The following EDA variants were observed in gnomAD, a reference collection of about 807,000 sequenced individuals.
EDA encodes the protein ectodysplasin A.
In EDA, 2 loss-of-function variants were observed where a neutral mutation model predicts 23.6. That is an observed-to-expected ratio of 0.08 (90% confidence interval 0.03 to 0.27). The LOEUF (loss-of-function observed/expected upper bound fraction) is 0.27. Ranked by LOEUF, EDA falls within the 10% of genes least tolerant of loss-of-function variation. The pLI is 1.00. For missense variants in EDA, 229 were observed against 324.2 expected (o/e 0.71, Z 2.26); for synonymous variants, 131 against 132.0 (o/e 0.99, Z 0.05).
chrX:69,685,876 G>C (rs887659426), intron 1 of EDA, among the ~76,000 whole-genome samples: 4 of 112,664 alleles, frequency 3.6e-5, no homozygotes, highest in African/African-American at 1.3e-4. Context: ...ATAGCATTTA[G>C]AATTTACTAA....
At chrX:69,769,625 A>G (rs1432293529) in intron 1 of EDA, among the ~76,000 whole-genome samples, 2 of 111,101 alleles carry the variant, frequency 1.8e-5, no homozygotes, top group Non-Finnish European at 3.8e-5. Flanking sequence ...TTTTTGATTA[A>G]GTATCATTAT....
intron 1 of EDA, among the ~76,000 whole-genome samples, chrX:69,743,711 C>T (rs1009431578): frequency 8.9e-6 from 1 of 111,755 alleles, no homozygotes; most frequent in African/African-American, 3.2e-5. Flanking sequence ...TGTTAACTGC[C>T]CACATGAACT....
chrX:69,856,842 T>C, intron 1 of EDA, among the ~76,000 whole-genome samples: 1 of 111,853 alleles, frequency 8.9e-6, no homozygotes, highest in Non-Finnish European at 1.9e-5. Context: ...TGCTAACTGT[T>C]CCTCTTGCCA....
chrX:70,004,159 T>C (rs1194290090), intron 2 of EDA, among the ~76,000 whole-genome samples: 1 of 112,298 alleles, frequency 8.9e-6, no homozygotes, highest in Non-Finnish European at 1.9e-5. Context: ...CTTTTAGTAC[T>C]GTCTTAACCA....
chrX:69,960,875 G>A (rs1264530595), intron 2 of EDA, among the ~76,000 whole-genome samples: 5 of 108,197 alleles, frequency 4.6e-5, no homozygotes, highest in East Asian at 2.9e-4. Context: ...AAAAAATAGC[G>A]GGGCACTGTG....
chrX:69,979,082 C>T (rs1416018130), intron 2 of EDA, among the ~76,000 whole-genome samples: 3 of 111,631 alleles, frequency 2.7e-5, no homozygotes, highest in Non-Finnish European at 1.9e-5. Context: ...CCTGCAGCCC[C>T]TGGTCACCTC....
At chrX:70,014,484 A>G (rs1268244100) in intron 2 of EDA, among the ~76,000 whole-genome samples, 2 of 112,577 alleles carry the variant, frequency 1.8e-5, no homozygotes, top group African/African-American at 6.5e-5. Context: ...CACGCAGATG[A>G]GAAAGAACCA....
At chrX:69,892,311 C>A (rs762675355) in intron 1 of EDA, among the ~76,000 whole-genome samples, 1 of 111,832 alleles carries the variant, frequency 8.9e-6, no homozygotes, top group African/African-American at 3.2e-5. Context: ...TTTTCATACC[C>A]AATAAAGCTT....
At chrX:69,878,338 C>T (rs191584809) in intron 1 of EDA, among the ~76,000 whole-genome samples, 7 of 112,362 alleles carry the variant, frequency 6.2e-5, no homozygotes, top group Non-Finnish European at 1.1e-4. Context: ...CTTGTGTGCG[C>T]GGCAACAGGG....
intron 2 of EDA, among the ~76,000 whole-genome samples, chrX:69,981,263 G>A (rs949169738): frequency 2.7e-5 from 3 of 111,368 alleles, no homozygotes; most frequent in African/African-American, 9.8e-5. Context: ...ATGACTGAAA[G>A]TTTGAGTACT....
chrX:69,655,666 T>G (rs1174524164), intron 1 of EDA, among the ~76,000 whole-genome samples: 2 of 102,857 alleles, frequency 1.9e-5, no homozygotes, highest in African/African-American at 7.3e-5. Context: ...TTGGACCACA[T>G]ATTTTCCCCA....
intron 1 of EDA, among the ~76,000 whole-genome samples, chrX:69,757,489 G>C (rs2188455): frequency 8.9e-6 from 1 of 111,980 alleles, no homozygotes; most frequent in Admixed American, 9.5e-5. Flanking sequence ...ATTTCTTTTA[G>C]GAAGTAAAAG....
intron 1 of EDA, among the ~76,000 whole-genome samples, chrX:69,881,181 C>T (rs75063666): frequency 0.11 from 11,933 of 110,363 alleles, 676 homozygotes; most frequent in Non-Finnish European, 0.16. Flanking sequence ...AGCTTTCCGA[C>T]ATTTTTGTTT....
chrX:70,025,281 G>T (rs190538427), intron 3 of EDA, among the ~76,000 whole-genome samples: 2 of 111,573 alleles, frequency 1.8e-5, no homozygotes, highest in Non-Finnish European at 3.8e-5. Context: ...ATTCTTGAAG[G>T]TGAAGTTTGT....
At chrX:69,914,061 A>G (rs2018306941) in intron 1 of EDA, among the ~76,000 whole-genome samples, 2 of 112,455 alleles carry the variant, frequency 1.8e-5, no homozygotes, top group Non-Finnish European at 3.8e-5. Context: ...TATCATAATT[A>G]TGAAAACTTT....
chrX:69,817,405 A>G (rs5980860), intron 1 of EDA, among the ~76,000 whole-genome samples: 44 of 111,890 alleles, frequency 3.9e-4, no homozygotes, highest in Admixed American at 1.1e-3. Flanking sequence ...GAATTCCCCA[A>G]TTAAAAGACA....
intron 1 of EDA, among the ~76,000 whole-genome samples, chrX:69,797,066 G>C (rs1009488850): frequency 1.9e-4 from 21 of 111,216 alleles, no homozygotes; most frequent in Middle Eastern, 9.3e-3. Flanking sequence ...AGAATAAGCA[G>C]AGCTTTTTTT....
At chrX:69,752,328 T>A (rs2013916026) in intron 1 of EDA, among the ~76,000 whole-genome samples, 1 of 111,753 alleles carries the variant, frequency 8.9e-6, no homozygotes, top group African/African-American at 3.3e-5. Flanking sequence ...GCATCTATTG[T>A]GATAATCATG....
chrX:69,638,670 T>A (rs1161941509), intron 1 of EDA, among the ~76,000 whole-genome samples: 1 of 112,021 alleles, frequency 8.9e-6, no homozygotes, highest in African/African-American at 3.2e-5. Flanking sequence ...GTCTGAGCAG[T>A]AATTTCTAGT....
Sources: allele counts gnomAD v4.1 joint callset (sites outside exome capture counted in the v4.1 genomes callset), GRCh38; gene constraint gnomAD v4.1.1; transcripts MANE v1.5; gene names NCBI Gene and HGNC (gene_info 2026-07-23, HGNC 2026-07-21).